The following PTPRA variants were observed in gnomAD, a reference collection of about 807,000 sequenced individuals.
PTPRA encodes the protein protein tyrosine phosphatase receptor type A, also known as receptor-type tyrosine-protein phosphatase alpha.
PTPRA carries 25 observed loss-of-function variants against 104.8 expected under a neutral mutation model. The ratio of observed to expected loss-of-function variants is 0.24; its 90% confidence interval spans 0.17 to 0.33. PTPRA has a LOEUF of 0.33. Ranked by LOEUF, PTPRA falls within the 10% of genes least tolerant of loss-of-function variation. The pLI, the probability that PTPRA is intolerant of heterozygous loss-of-function variation, is 1.00. For synonymous variants in PTPRA, 323 were observed against 368.9 expected (o/e 0.88, Z 1.43); for missense variants, 765 against 1,015.3 (o/e 0.75, Z 3.35).
chr20:3,007,206 T>G, intron 10 of PTPRA, 138 bp from the exon 11 acceptor site: 1 of 739,546 alleles, frequency 1.4e-6, no homozygotes, highest in Non-Finnish European at 2.2e-6. Flanking sequence ...ACTGTTGGAG[T>G]TATATTGTTG....
At chr20:3,008,556 C>T (rs542676247) in intron 11 of PTPRA, among the ~76,000 whole-genome samples, 3 of 151,716 alleles carry the variant, frequency 2.0e-5, no homozygotes, top group Non-Finnish European at 2.9e-5. Context: ...GATGGTTGCA[C>T]GACAGCGTGA....
chr20:2,997,225 G>A (rs971977079), intron 9 of PTPRA, among the ~76,000 whole-genome samples: 1 of 151,946 alleles, frequency 6.6e-6, no homozygotes, highest in Non-Finnish European at 1.5e-5. Flanking sequence ...AAGTCTGAAA[G>A]ACTACAAATT....
intron 1 of PTPRA, among the ~76,000 whole-genome samples, chr20:2,895,327 C>T (rs2058956691): frequency 6.6e-6 from 1 of 151,844 alleles, no homozygotes. Flanking sequence ...CCACCCACCT[C>T]AGCCTCCCAA....
At chr20:2,971,689 A>G (rs1600193277) in intron 5 of PTPRA, among the ~76,000 whole-genome samples, 2 of 152,318 alleles carry the variant, frequency 1.3e-5, no homozygotes, top group South Asian at 4.1e-4. Context: ...TGAGATAAAC[A>G]TATTTTATTG....
intron 5 of PTPRA, among the ~76,000 whole-genome samples, chr20:2,966,946 A>G (rs936225645): frequency 6.6e-6 from 1 of 152,192 alleles, no homozygotes; most frequent in Admixed American, 6.5e-5. Flanking sequence ...AACTTGTACA[A>G]ACTGTATGAG....
At chr20:2,989,419 G>C (rs1054408866) in intron 9 of PTPRA, among the ~76,000 whole-genome samples, 1 of 152,150 alleles carries the variant, frequency 6.6e-6, no homozygotes, top group Non-Finnish European at 1.5e-5. Context: ...GCGACAGAGC[G>C]AGACTCCATC....
chr20:2,991,269 G>A (rs1260197146), intron 9 of PTPRA, among the ~76,000 whole-genome samples: 1 of 152,038 alleles, frequency 6.6e-6, no homozygotes. Context: ...TGAGGCTGAG[G>A]CAGGAGAATT....
At chr20:2,905,487 T>TA (rs2059391269) in intron 1 of PTPRA, among the ~76,000 whole-genome samples, 1 of 152,120 alleles carries the variant, frequency 6.6e-6, no homozygotes. Context: ...CCAGTTACAT[T>TA]TAGTACTGTA....
rs565035928 is a variant in PTPRA, at chr20:2,982,800, G to A, written c.443-3965G>A. Among the ~76,000 whole-genome samples, 5 of 151,930 alleles carry A rather than the reference G, an allele frequency of 3.3e-5. No individual in the cohort carries two copies. The South Asian group carries it at 6.2e-4, about 19-fold the overall frequency. On this transcript the variant is annotated intron_variant, in intron 6 of 23. Transcript: ENST00000399903. Reference sequence around the variant, plus strand: ...CAACCTCTGCCCCCCAGGTTCAAGCGATTCTCCTGCCTCAGCCTCCTAAGT... The same window carrying A: ...CAACCTCTGCCCCCCAGGTTCAAGCAATTCTCCTGCCTCAGCCTCCTAAGT...
At chr20:2,981,958 A>G (rs2062690802) in intron 6 of PTPRA, among the ~76,000 whole-genome samples, 1 of 152,174 alleles carries the variant, frequency 6.6e-6, no homozygotes, top group African/African-American at 2.4e-5. Flanking sequence ...GCTGCCTTTC[A>G]GATATGCTGT....
At chr20:3,032,245 T>A (rs184894842) in intron 20 of PTPRA, among the ~76,000 whole-genome samples, 36 of 152,326 alleles carry the variant, frequency 2.4e-4, no homozygotes, top group Admixed American at 5.9e-4. Flanking sequence ...TCAATCCACC[T>A]GTCCACTGTG....
intron 1 of PTPRA, among the ~76,000 whole-genome samples, chr20:2,890,426 C>G (rs2058750714): frequency 6.6e-6 from 1 of 152,128 alleles, no homozygotes; most frequent in South Asian, 2.1e-4. Flanking sequence ...CTGTAGTACT[C>G]TATGTATTTG....
chr20:3,035,810 C>T lies in PTPRA; in HGVS notation c.2067C>T (p.Ile689=), dbSNP rs745852951. 4.3e-6 allele frequency: 7 copies of T among 1,614,210 alleles called. No homozygotes were observed. The highest frequency in any genetic ancestry group is 5.9e-6 in the Non-Finnish European group (7 of 1,180,038). The part of the protein sequence containing the change: ...TNTRENKSRQ[I]RQFHFHGWPE... ...CAAAGGAGAATAAGAGCCGGCAGAT[C>T]CGGCAGTTCCACTTCCATGGCTGGC... The change falls in exon 22 of 24, where the codon ATC becomes ATT. Residue 689 remains isoleucine (I), a synonymous_variant. Transcript: ENST00000399903. The surrounding 1 kb of genome is among the most constrained non-coding windows in gnomAD (Gnocchi z 5.8).
chr20:2,910,131 G>T (rs2059616759), intron 1 of PTPRA, among the ~76,000 whole-genome samples: 1 of 112,386 alleles, frequency 8.9e-6, no homozygotes, highest in Non-Finnish European at 1.7e-5. Flanking sequence ...TAGTATATAT[G>T]ATATATAACA....
intron 3 of PTPRA, among the ~76,000 whole-genome samples, chr20:2,959,114 G>GTACTAT (rs2061652972): frequency 1.3e-5 from 2 of 152,172 alleles, no homozygotes; most frequent in Admixed American, 1.3e-4. Context: ...TGATTTTCCT[G>GTACTAT]GTCGTGGTCT....
chr20:2,954,846 C>T (rs1191073868), intron 3 of PTPRA, among the ~76,000 whole-genome samples: 4 of 152,096 alleles, frequency 2.6e-5, no homozygotes, highest in Non-Finnish European at 5.9e-5. Flanking sequence ...TTTAGGTTTT[C>T]GACCCATTTT....
chr20:2,885,273 G>T (rs1034610319), intron 1 of PTPRA, among the ~76,000 whole-genome samples: 5 of 152,054 alleles, frequency 3.3e-5, no homozygotes, highest in African/African-American at 9.7e-5. Flanking sequence ...GTTTTAATTT[G>T]CATTTCCTTA....
At chr20:3,036,646 G>C (rs769686475) in intron 22 of PTPRA, among the ~76,000 whole-genome samples, 105 of 152,372 alleles carry the variant, frequency 6.9e-4, no homozygotes, top group Non-Finnish European at 1.4e-3. Context: ...CCCTGCCTCA[G>C]AGTAGGCACT....
upstream of PTPRA, among the ~76,000 whole-genome samples, chr20:2,871,126 G>T (rs1253142804): frequency 6.6e-6 from 1 of 152,186 alleles, no homozygotes; most frequent in East Asian, 1.9e-4. Flanking sequence ...AGGGTCTGTA[G>T]TTCTCCTTGG....
Sources: allele counts gnomAD v4.1 joint callset (sites outside exome capture counted in the v4.1 genomes callset), GRCh38; gene constraint gnomAD v4.1.1; non-coding constraint Gnocchi (gnomAD v3.1); transcripts MANE v1.5; gene names NCBI Gene and HGNC (gene_info 2026-07-23, HGNC 2026-07-21).